The following SLC35F4 variants were observed in gnomAD, a reference collection of about 807,000 sequenced individuals.
SLC35F4 encodes the protein chromosome 14 open reading frame 36.
In SLC35F4, 24 loss-of-function variants were observed where a neutral mutation model predicts 44.2. The observed-to-expected ratio is 0.54, with a 90% CI of 0.39 to 0.76. SLC35F4 has a LOEUF of 0.76. Ranked by LOEUF, SLC35F4 falls within the 30% of genes least tolerant of loss-of-function variation. SLC35F4 has a pLI of 0.00. For missense variants in SLC35F4, 562 were observed against 586.1 expected, an observed-to-expected ratio of 0.96 and a Z score of 0.42; for synonymous variants, 238 against 223.6, an observed-to-expected ratio of 1.06 and a Z score of -0.57.
At chr14:57,702,331 T>TAAAAAAAAAAA (rs5808935) in intron 1 of SLC35F4, among the ~76,000 whole-genome samples, 1 of 136,584 alleles carries the variant, frequency 7.3e-6, no homozygotes, top group African/African-American at 2.7e-5. Context: ...TCATTTTCTT[T>TAAAAAAAAAAA]AAAAAAAAAA....
intron 1 of SLC35F4, among the ~76,000 whole-genome samples, chr14:57,917,345 CA>C (rs1343645585): frequency 6.6e-6 from 1 of 152,198 alleles, no homozygotes; most frequent in Non-Finnish European, 1.5e-5. Context: ...AGGCGTGAGT[CA>C]CCACACCCAG....
intron 1 of SLC35F4, among the ~76,000 whole-genome samples, chr14:57,771,587 AATTT>A (rs1483480712): frequency 6.6e-6 from 1 of 151,930 alleles, no homozygotes; most frequent in Non-Finnish European, 1.5e-5. Flanking sequence ...TTAATTAATT[AATTT>A]ATTTACTTAT....
chr14:57,673,520 A>T (rs1214140594), intron 1 of SLC35F4, among the ~76,000 whole-genome samples: 2 of 152,124 alleles, frequency 1.3e-5, no homozygotes, highest in African/African-American at 4.8e-5. Flanking sequence ...AGAAATATTT[A>T]TTCACCAGCA....
At chr14:57,852,059 G>A (rs1886627696) in intron 1 of SLC35F4, among the ~76,000 whole-genome samples, 2 of 152,180 alleles carry the variant, frequency 1.3e-5, no homozygotes, top group South Asian at 4.1e-4. Context: ...GAACGAAATA[G>A]ATCCATCCCT....
intron 2 of SLC35F4, among the ~76,000 whole-genome samples, chr14:57,589,911 C>T (rs183874390): frequency 6.2e-4 from 95 of 152,238 alleles, no homozygotes; most frequent in African/African-American, 2.2e-3. Context: ...AGGAGGCATC[C>T]CAAGGTCCTA....
In SLC35F4 at chr14:57,945,439, ATGTGTGTGTGTGTGTG is replaced by A. The variant is rs58976756; in HGVS notation, n.282+36458_282+36473del. The stretch of plus-strand genomic sequence containing the variant: ...TCTTTACCAGGTAAGAGCAATGATA[ATGTGTGTGTGTGTGTG>A]TGTGTGTGTGTGTGTGTGTGTGTGT... On this transcript the variant is annotated intron_variant and non_coding_transcript_variant, in intron 1 of 1. Coordinates refer to the SLC35F4 transcript ENST00000556568. Among the ~76,000 whole-genome samples, 1,026 of 104,744 alleles carry A rather than the reference ATGTGTGTGTGTGTGTG, an allele frequency of 9.8e-3. 31 individuals carry two copies. The highest frequency in any genetic ancestry group is 0.062 in the Admixed American group (692 of 11,176). 68.7% of individuals were successfully genotyped at this position (104,744 alleles called of 152,430 possible).
chr14:57,945,439 A>AGTGTGTG (rs370009024), intron 1 of SLC35F4, among the ~76,000 whole-genome samples: 3 of 104,690 alleles, frequency 2.9e-5, no homozygotes, highest in African/African-American at 1.5e-4. Context: ...AGCAATGATA[A>AGTGTGTG]TGTGTGTGTG....
chr14:57,603,895 A>C (rs8005734), intron 1 of SLC35F4: 108,421 of 152,148 alleles, frequency 0.71, 39,361 homozygotes, highest in Middle Eastern at 0.8. Context: ...TCCCTTCTCT[A>C]TGATGTCTTC....
At chr14:57,705,030 T>C (rs2075634735) in intron 1 of SLC35F4, among the ~76,000 whole-genome samples, 1 of 152,150 alleles carries the variant, frequency 6.6e-6, no homozygotes, top group Non-Finnish European at 1.5e-5. Context: ...AGAATTAGGA[T>C]AAAGAATAAT....
chr14:57,749,174 A>G (rs1259694213), intron 1 of SLC35F4, among the ~76,000 whole-genome samples: 1 of 152,002 alleles, frequency 6.6e-6, no homozygotes. Context: ...TGGTATGAAT[A>G]CTCTCCAAAT....
intron 3 of SLC35F4, among the ~76,000 whole-genome samples, chr14:57,582,861 T>C (rs2069391477): frequency 6.6e-6 from 1 of 152,094 alleles, no homozygotes; most frequent in Non-Finnish European, 1.5e-5. Flanking sequence ...AAGGACCACG[T>C]GGAGAGGAGG....
chr14:57,614,130 T>C (rs1039764670), intron 1 of SLC35F4, among the ~76,000 whole-genome samples: 2 of 152,200 alleles, frequency 1.3e-5, no homozygotes, highest in African/African-American at 4.8e-5. Flanking sequence ...AGATTGGTGC[T>C]AACATCCCAT....
chr14:57,785,799 C>A (rs768964664), intron 1 of SLC35F4, among the ~76,000 whole-genome samples: 21 of 152,126 alleles, frequency 1.4e-4, no homozygotes, highest in Non-Finnish European at 1.0e-4. Context: ...GCAATTCCTG[C>A]CTAGTACCAC....
intron 1 of SLC35F4, among the ~76,000 whole-genome samples, chr14:57,927,707 T>G (rs372700582): frequency 6.6e-6 from 1 of 152,062 alleles, no homozygotes; most frequent in African/African-American, 2.4e-5. Context: ...GCCAGGCTGG[T>G]CTCGAACTCC....
chr14:57,644,445 G>A (rs1183517294), intron 1 of SLC35F4, among the ~76,000 whole-genome samples: 1 of 141,198 alleles, frequency 7.1e-6, no homozygotes, highest in African/African-American at 2.5e-5. Flanking sequence ...CATATCCTTT[G>A]CCCACTTTTT....
At position 57,910,078 on chromosome 14, in the gene SLC35F4, C is replaced by T. The variant is rs143345917; in HGVS notation, n.282+71835G>A. Among the ~76,000 whole-genome samples the T allele has an allele frequency of 2.6e-4, 40 of 152,108 alleles. No homozygotes were observed. The East Asian group carries it at 5.2e-3, about 20-fold the overall frequency. Reference sequence around the variant, plus strand: ...TCTTCAACATTTTTTCGTATATTTCCGTGCCATCTGTATGTCTTCTTTGGT... The same window carrying T: ...TCTTCAACATTTTTTCGTATATTTCTGTGCCATCTGTATGTCTTCTTTGGT... On this transcript the variant is annotated intron_variant and non_coding_transcript_variant, in intron 1 of 1. Transcript: ENST00000556568.
intron 1 of SLC35F4, among the ~76,000 whole-genome samples, chr14:57,716,744 TC>T (rs549118233): frequency 5.0e-4 from 76 of 152,288 alleles, no homozygotes; most frequent in African/African-American, 1.8e-3. Flanking sequence ...ACATTTGAAA[TC>T]CTCTCTTCTT....
At chr14:57,816,366 C>G (rs900128403) in intron 1 of SLC35F4, among the ~76,000 whole-genome samples, 1 of 152,290 alleles carries the variant, frequency 6.6e-6, no homozygotes, top group Admixed American at 6.5e-5. Context: ...GATCCACCCC[C>G]ACTCTTTCAG....
chr14:57,572,060 C>G, intron 4 of SLC35F4, 41 bp from the exon 5 acceptor site: 1 of 1,586,458 alleles, frequency 6.3e-7, no homozygotes, highest in Non-Finnish European at 8.6e-7. Context: ...GCAATGATCC[C>G]TCTGTATCCT....
Sources: gnomAD v4.1 joint callset for allele counts (sites outside exome capture counted in the v4.1 genomes callset) on GRCh38, gnomAD v4.1.1 for gene constraint, MANE v1.5 for transcripts, NCBI Gene and HGNC (gene_info 2026-07-23, HGNC 2026-07-21) for gene names.